Variants in DNAI3 observed in about 807,000 individuals in gnomAD.
The protein encoded by DNAI3 is dynein axonemal intermediate chain 3, also known as WD repeat domain 63.
In DNAI3, 83 loss-of-function variants were observed where a neutral mutation model predicts 115.5. The ratio of observed to expected loss-of-function variants is 0.72; its 90% CI spans 0.60 to 0.86. DNAI3 has a LOEUF of 0.86. DNAI3 is among the 40% of genes least tolerant of loss of function. DNAI3 has a pLI of 0.00. For synonymous variants in DNAI3, 320 were observed against 347.0 expected, an observed-to-expected ratio of 0.92 and a Z score of 0.86; for missense variants, 1,004 against 1,075.8, an observed-to-expected ratio of 0.93 and a Z score of 0.93.
rs747751874 is a variant in DNAI3 at position 85,104,517 on chromosome 1, A to G, written c.1480-7A>G. ...AATTTTATTTCTCTTTCATTTTTGAAAAATAGATTAACAGAATGGGCTCCG... is the reference window on the plus strand; with the variant it reads ...AATTTTATTTCTCTTTCATTTTTGAGAAATAGATTAACAGAATGGGCTCCG... On this transcript the variant is annotated splice_region_variant and splice_polypyrimidine_tract_variant and intron_variant, in intron 13 of 22. Coordinates refer to ENST00000294664, the MANE Select transcript of DNAI3 (RefSeq NM_145172.5). 5 of 1,612,448 alleles carry G rather than the reference A, an allele frequency of 3.1e-6. No homozygotes were observed. The highest frequency in any genetic ancestry group is 1.3e-5 in the African/African-American group (1 of 75,034).
intron 1 of DNAI3, among the ~76,000 whole-genome samples, chr1:85,070,647 A>T (rs1654245476): frequency 2.0e-5 from 3 of 152,186 alleles, no homozygotes; most frequent in Non-Finnish European, 4.4e-5. Context: ...CACAAAGATA[A>T]ATGTTTCAGA....
rs184681525 is a variant in DNAI3 at position 85,098,513 on chromosome 1, C to A, written c.1351-17C>A. 8.1e-5 allele frequency: 130 copies of A among 1,605,552 alleles called. No homozygotes were observed. The African/African-American group carries it at 1.4e-3, about 17-fold the overall frequency. ...CCCTCTGAAATTAGCACTTAACTTT[C>A]TTTTAATATTTTTCAGCCTATGTTT... On this transcript the variant is annotated splice_polypyrimidine_tract_variant and intron_variant, in intron 12 of 22. Coordinates refer to ENST00000294664, the MANE Select transcript of DNAI3 (RefSeq NM_145172.5).
chr1:85,066,725 A>T (rs1654112642), intron 1 of DNAI3, among the ~76,000 whole-genome samples: 1 of 152,204 alleles, frequency 6.6e-6, no homozygotes, highest in Admixed American at 6.5e-5. Context: ...GTAGGATTGG[A>T]TATTGAAAAT....
intron 7 of DNAI3, among the ~76,000 whole-genome samples, chr1:85,088,850 T>C (rs1193017371): frequency 6.6e-6 from 1 of 152,148 alleles, no homozygotes; most frequent in Non-Finnish European, 1.5e-5. Context: ...TTTTTTTTAC[T>C]TAACCCTGTC....
intron 12 of DNAI3, 145 bp downstream of exon 12, chr1:85,097,800 T>C (rs1478662412): frequency 1.8e-5 from 13 of 733,946 alleles, no homozygotes; most frequent in Non-Finnish European, 2.8e-5. Context: ...CCTTCACCTG[T>C]GCTTGTGAAC....
intron 3 of DNAI3, among the ~76,000 whole-genome samples, chr1:85,080,050 T>C (rs553411486): frequency 7.5e-5 from 10 of 132,634 alleles, no homozygotes; most frequent in Non-Finnish European, 9.7e-5. Flanking sequence ...CTTTTTCTTT[T>C]TTTTTTTTTT....
At chr1:85,098,423 CTGG>C (rs2100586393) in intron 12 of DNAI3, 104 bp from the exon 13 acceptor site, 2 of 1,314,922 alleles carry the variant, frequency 1.5e-6, no homozygotes, top group South Asian at 1.5e-5. Context: ...TTTCCTTGAA[CTGG>C]TATATCTCTA....
At chr1:85,097,728 T>C (rs956033836) in intron 12 of DNAI3, 73 bp downstream of exon 12, 28 of 1,309,432 alleles carry the variant, frequency 2.1e-5, no homozygotes, top group African/African-American at 6.1e-5. Flanking sequence ...ATAATATAGT[T>C]GCCAAGGCTA....
intron 1 of DNAI3, among the ~76,000 whole-genome samples, chr1:85,069,436 G>A (rs1189123160): frequency 1.3e-5 from 2 of 152,098 alleles, no homozygotes; most frequent in Non-Finnish European, 2.9e-5. Flanking sequence ...TGCACAAGGG[G>A]TTTTGCCTAT....
intron 3 of DNAI3, among the ~76,000 whole-genome samples, chr1:85,079,882 A>G (rs1330806435): frequency 6.6e-6 from 1 of 152,030 alleles, no homozygotes; most frequent in African/African-American, 2.4e-5. Flanking sequence ...TTCCCTACCC[A>G]CTTTCCTGTG....
At chr1:85,093,052 G>A (rs540159648) in intron 8 of DNAI3, among the ~76,000 whole-genome samples, 1 of 152,260 alleles carries the variant, frequency 6.6e-6, no homozygotes, top group South Asian at 2.1e-4. Flanking sequence ...AATAAAGGAG[G>A]AGGAGACAGG....
chr1:85,109,413 G>A (rs2100598704), intron 15 of DNAI3, among the ~76,000 whole-genome samples: 1 of 152,274 alleles, frequency 6.6e-6, no homozygotes, highest in South Asian at 2.1e-4. Flanking sequence ...TTATAAATTT[G>A]GGGGACTGGG....
intron 13 of DNAI3, among the ~76,000 whole-genome samples, 194 bp downstream of exon 13, chr1:85,098,852 C>A (rs1471672230): frequency 6.6e-6 from 1 of 152,186 alleles, no homozygotes; most frequent in Non-Finnish European, 1.5e-5. Context: ...AATCTTTCAA[C>A]TCAGTTGGCT....
intron 1 of DNAI3, among the ~76,000 whole-genome samples, chr1:85,071,114 T>A (rs1654258647): frequency 6.6e-6 from 1 of 152,258 alleles, no homozygotes. Context: ...CACAATCACC[T>A]TGTGGGGTAG....
At chr1:85,062,685 T>G (rs1261317858) in intron 1 of DNAI3, among the ~76,000 whole-genome samples, 199 bp downstream of exon 1, 1 of 152,164 alleles carries the variant, frequency 6.6e-6, no homozygotes, top group Non-Finnish European at 1.5e-5. Context: ...AGAGAGCAGT[T>G]AACGACACTC....
chr1:85,074,711 A>T (rs1212048362), intron 3 of DNAI3, among the ~76,000 whole-genome samples: 3 of 152,196 alleles, frequency 2.0e-5, no homozygotes, highest in Non-Finnish European at 4.4e-5. Flanking sequence ...GAATTAGCCA[A>T]TACTGGACTA....
intron 6 of DNAI3, among the ~76,000 whole-genome samples, chr1:85,085,140 C>T (rs1451921614): frequency 1.3e-5 from 2 of 152,158 alleles, no homozygotes; most frequent in Non-Finnish European, 2.9e-5. Context: ...TGCTGGCTGT[C>T]ACCAGAAGTC....
intron 7 of DNAI3, among the ~76,000 whole-genome samples, chr1:85,088,631 G>A (rs1407376458): frequency 6.6e-6 from 1 of 152,130 alleles, no homozygotes; most frequent in Non-Finnish European, 1.5e-5. Context: ...GCTCTCTGAG[G>A]TAGGCACTAT....
rs1656060662 is a variant in DNAI3, at chr1:85,124,049, T to A, written c.1982-72T>A. ...TGGGGCCCTGTCTGTCCATTGGAGG[T>A]CTGTCCATTCCTCACTGCAGGAATG... On this transcript the variant is annotated intron_variant, in intron 18 of 22. Coordinates refer to ENST00000294664, the MANE Select transcript of DNAI3 (RefSeq NM_145172.5). The A allele has an allele frequency of 2.5e-6, 4 of 1,591,110 alleles. No individual in the cohort carries two copies. In the Admixed American group the frequency reaches 5.1e-5, roughly 20 times the overall value.
Sources: allele counts gnomAD v4.1 joint callset (sites outside exome capture counted in the v4.1 genomes callset), GRCh38; gene constraint gnomAD v4.1.1; transcripts MANE v1.5; gene names NCBI Gene and HGNC (gene_info 2026-07-23, HGNC 2026-07-21).